Variants in SPON1 observed in about 807,000 individuals in gnomAD.
The protein encoded by SPON1 is spondin 1.
In SPON1, 52 loss-of-function variants were observed where a neutral mutation model predicts 111.7. The ratio of observed to expected loss-of-function variants is 0.47; its 90% CI spans 0.37 to 0.59. SPON1 has a LOEUF of 0.59. Ranked by LOEUF, SPON1 falls within the 20% of genes least tolerant of loss-of-function variation. The probability of loss-of-function intolerance (pLI) is 0.00; values close to 1 mark genes in which losing one functional copy is unlikely to be tolerated. For missense variants in SPON1, 957 were observed against 1,068.5 expected (o/e 0.90, Z 1.46); for synonymous variants, 410 against 395.8 (o/e 1.04, Z -0.43).
intron 6 of SPON1, among the ~76,000 whole-genome samples, chr11:14,187,151 G>A (rs961372606): frequency 1.3e-5 from 2 of 152,078 alleles, no homozygotes; most frequent in African/African-American, 4.8e-5. Context: ...GAGATGCCAG[G>A]CTCTTTTAAA....
At chr11:14,249,296 G>T (rs1304462317) in intron 7 of SPON1, among the ~76,000 whole-genome samples, 1 of 152,146 alleles carries the variant, frequency 6.6e-6, no homozygotes, top group Non-Finnish European at 1.5e-5. Flanking sequence ...AAGAGTCAGG[G>T]CTCTCCCTGC....
intron 7 of SPON1, among the ~76,000 whole-genome samples, chr11:14,250,334 G>T (rs1849039270): frequency 6.8e-6 from 1 of 147,160 alleles, no homozygotes; most frequent in African/African-American, 2.5e-5. Flanking sequence ...TTTTTTCTAT[G>T]ATCTGGTTAT....
intron 3 of SPON1, among the ~76,000 whole-genome samples, chr11:14,060,633 G>C (rs1182127590): frequency 6.6e-6 from 1 of 152,192 alleles, no homozygotes; most frequent in Non-Finnish European, 1.5e-5. Context: ...CCCACCTCTG[G>C]AAATTCTGAT....
At chr11:14,123,071 C>A (rs1203602927) in intron 5 of SPON1, among the ~76,000 whole-genome samples, 2 of 151,800 alleles carry the variant, frequency 1.3e-5, no homozygotes, top group Non-Finnish European at 2.9e-5. Context: ...TCTGTGACTA[C>A]AGGCAGGCAC....
chr11:14,257,624 CT>C, intron 10 of SPON1, 91 bp from the exon 11 acceptor site: 2 of 1,281,160 alleles, frequency 1.6e-6, no homozygotes, highest in Non-Finnish European at 2.1e-6. Flanking sequence ...GGCAGCATGG[CT>C]TTTCTTGTCC....
intron 6 of SPON1, among the ~76,000 whole-genome samples, chr11:14,204,038 GGT>G (rs1848491119): frequency 6.6e-6 from 1 of 152,126 alleles, no homozygotes; most frequent in African/African-American, 2.4e-5. Context: ...GCCTATCTTC[GGT>G]GTAATGGCAA....
At chr11:14,263,522 CAGA>C (rs1849215848) in intron 15 of SPON1, among the ~76,000 whole-genome samples, 1 of 152,086 alleles carries the variant, frequency 6.6e-6, no homozygotes, top group African/African-American at 2.4e-5. Context: ...CAAGGCTAAC[CAGA>C]AGTTTATCAG....
chr11:14,242,526 C>A lies in SPON1; in HGVS notation c.826-806C>A, dbSNP rs567329063. Among the ~76,000 whole-genome samples, 41 of 152,292 alleles carry A rather than the reference C, an allele frequency of 2.7e-4. No homozygotes were observed. In the East Asian group the frequency reaches 6.8e-3, roughly 25 times the overall value. ...GCCCCCCACCAGAGCTGAACTTGGA[C>A]CTGTGGAGGCCTCCAGCCTTGCAAA... is the stretch of plus-strand genomic sequence containing the variant. On this transcript the variant is annotated intron_variant, in intron 6 of 15. Transcript: ENST00000576479.
At chr11:14,133,333 G>C (rs1031432335) in intron 5 of SPON1, among the ~76,000 whole-genome samples, 1 of 152,182 alleles carries the variant, frequency 6.6e-6, no homozygotes, top group Non-Finnish European at 1.5e-5. Flanking sequence ...GCTGAAGTCA[G>C]GCTCCCTCAA....
intron 2 of SPON1, among the ~76,000 whole-genome samples, chr11:13,988,610 A>T (rs1848203703): frequency 6.6e-6 from 1 of 152,194 alleles, no homozygotes. Flanking sequence ...GAGAGAAAGC[A>T]TCCTTGTCCT....
intron 3 of SPON1, among the ~76,000 whole-genome samples, chr11:14,044,139 T>TGTAATATTAAAGTCCAC (rs1554917625): frequency 6.6e-6 from 1 of 152,236 alleles, no homozygotes; most frequent in East Asian, 1.9e-4. Flanking sequence ...TTAAAGTCCA[T>TGTAATATTAAAGTCCAC]GTTCTGCCTT....
chr11:14,141,288 G>C (rs1345853003), intron 6 of SPON1, among the ~76,000 whole-genome samples: 3 of 152,174 alleles, frequency 2.0e-5, no homozygotes, highest in Non-Finnish European at 4.4e-5. Flanking sequence ...TAGAAGGAGA[G>C]AGAACTTTTT....
At chr11:13,999,797 C>T (rs1284089325) in intron 2 of SPON1, among the ~76,000 whole-genome samples, 6 of 152,120 alleles carry the variant, frequency 3.9e-5, no homozygotes, top group Non-Finnish European at 7.4e-5. Flanking sequence ...ATAACCTTTG[C>T]CAAGTTACTT....
intron 6 of SPON1, among the ~76,000 whole-genome samples, chr11:14,242,642 T>G (rs1554939803): frequency 6.6e-6 from 1 of 152,276 alleles, no homozygotes; most frequent in Non-Finnish European, 1.5e-5. Context: ...GTTCTGATTT[T>G]TGCCCTATGA....
At chr11:14,247,094 A>G (rs1554940307) in intron 7 of SPON1, among the ~76,000 whole-genome samples, 1 of 152,182 alleles carries the variant, frequency 6.6e-6, no homozygotes, top group East Asian at 1.9e-4. Flanking sequence ...GAAATTTTTT[A>G]TTTGAATTTT....
intron 2 of SPON1, among the ~76,000 whole-genome samples, chr11:13,993,135 A>G (rs1848244549): frequency 6.6e-6 from 1 of 152,100 alleles, no homozygotes; most frequent in Admixed American, 6.5e-5. Flanking sequence ...CAGACTCACA[A>G]AATACAAACA....
intron 6 of SPON1, among the ~76,000 whole-genome samples, chr11:14,203,810 G>A (rs1848487791): frequency 6.6e-6 from 1 of 152,180 alleles, no homozygotes; most frequent in South Asian, 2.1e-4. Context: ...TAAGCACTGA[G>A]TTAAAAGAAA....
chr11:14,181,544 G>T (rs1848234830), intron 6 of SPON1, among the ~76,000 whole-genome samples: 1 of 152,216 alleles, frequency 6.6e-6, no homozygotes, highest in Non-Finnish European at 1.5e-5. Context: ...AGAAAATGAG[G>T]AAAGTTTGGA....
At chr11:14,158,107 A>G (rs1847870308) in intron 6 of SPON1, among the ~76,000 whole-genome samples, 1 of 152,062 alleles carries the variant, frequency 6.6e-6, no homozygotes, top group Non-Finnish European at 1.5e-5. Flanking sequence ...CTTCACAAAG[A>G]TTTGCTTCTT....
Sources: gnomAD v4.1 joint callset for allele counts (sites outside exome capture counted in the v4.1 genomes callset) on GRCh38, gnomAD v4.1.1 for gene constraint, MANE v1.5 for transcripts, NCBI Gene and HGNC (gene_info 2026-07-23, HGNC 2026-07-21) for gene names.